RAB27B: variants seen among roughly 807,000 people sequenced by gnomAD.
RAB27B encodes ras-related protein Rab-27B.
RAB27B carries 15 observed loss-of-function variants against 24.6 expected under a neutral mutation model. That is an observed-to-expected ratio of 0.61 (90% CI 0.41 to 0.94). The LOEUF is 0.94. Among genes scored for constraint, RAB27B ranks in the 40% least tolerant of loss-of-function variants. The probability of loss-of-function intolerance (pLI) is 0.00; values close to 1 mark genes in which losing one functional copy is unlikely to be tolerated. For synonymous variants in RAB27B, 105 were observed against 92.5 expected (o/e 1.14, Z -0.78); for missense variants, 261 against 266.8 (o/e 0.98, Z 0.15).
At chr18:54,728,102 A>G (rs975276515) in intron 2 of RAB27B, among the ~76,000 whole-genome samples, 9 of 152,166 alleles carry the variant, frequency 5.9e-5, no homozygotes, top group Admixed American at 2.6e-4. Flanking sequence ...TTTAATTTAT[A>G]TTTTGTATAT....
intron 1 of RAB27B, among the ~76,000 whole-genome samples, chr18:54,845,436 T>G (rs1420072056): frequency 1.3e-5 from 2 of 148,582 alleles, no homozygotes; most frequent in Admixed American, 1.4e-4. Flanking sequence ...AAAATCTATT[T>G]AGGAAGAAAA....
At chr18:54,755,362 C>T (rs1358650733) in intron 2 of RAB27B, among the ~76,000 whole-genome samples, 2 of 152,058 alleles carry the variant, frequency 1.3e-5, no homozygotes, top group Admixed American at 1.3e-4. Context: ...TGCACTCCAA[C>T]CTGGGCAACA....
intron 2 of RAB27B, among the ~76,000 whole-genome samples, chr18:54,794,675 T>A (rs999208430): frequency 6.6e-6 from 1 of 152,200 alleles, no homozygotes; most frequent in African/African-American, 2.4e-5. Flanking sequence ...ATTCCCAGCT[T>A]TTTTTGAAGA....
chr18:54,867,444 T>TTTCA (rs202092039), intron 1 of RAB27B, among the ~76,000 whole-genome samples: 1 of 96,946 alleles, frequency 1.0e-5, no homozygotes, highest in Non-Finnish European at 2.2e-5. Flanking sequence ...TTTCTTTTCT[T>TTTCA]TTTTTTTTTT....
intron 1 of RAB27B, among the ~76,000 whole-genome samples, chr18:54,839,057 C>T (rs1282717811): frequency 6.6e-6 from 1 of 152,032 alleles, no homozygotes; most frequent in East Asian, 1.9e-4. Flanking sequence ...AAAAGAAGTC[C>T]TCCTACAACT....
At position 54,893,671 on chromosome 18, in the gene RAB27B, C is replaced by T. The variant is rs544265933; in HGVS notation, c.*4258C>T. Reference sequence around the variant, plus strand: ...TATAAATCCATGAAGCTGCTTGTCTCATAAAGTAGAACTGATACAAATTTT... The same window carrying T: ...TATAAATCCATGAAGCTGCTTGTCTTATAAAGTAGAACTGATACAAATTTT... On this transcript the variant is annotated 3_prime_UTR_variant, in exon 6 of 6. Transcript: ENST00000262094. 1 of 152,044 alleles carries T rather than the reference C, an allele frequency of 6.6e-6. No homozygotes were observed. The highest frequency in any genetic ancestry group is 2.1e-4 in the South Asian group (1 of 4,806). 9.4% of individuals were successfully genotyped at this position (152,044 alleles called of 1,614,324 possible).
chr18:54,825,016 C>T (rs1910427711), upstream of RAB27B, among the ~76,000 whole-genome samples: 1 of 152,106 alleles, frequency 6.6e-6, no homozygotes, highest in African/African-American at 2.4e-5. Flanking sequence ...AAATGGCACA[C>T]AGGATGTATA....
rs558486528 is a variant in RAB27B, at chr18:54,815,072, A to G, written c.-19-62495A>G. Among the ~76,000 whole-genome samples, 5 of 152,322 alleles carry G rather than the reference A, an allele frequency of 3.3e-5. No homozygotes were observed. The South Asian group carries it at 1.0e-3, about 32-fold the overall frequency. ...ATTTAATAACACAGATATACTGTGTATCTGTTTATGTGCCATAGATATATC... is the reference window on the plus strand; with the variant it reads ...ATTTAATAACACAGATATACTGTGTGTCTGTTTATGTGCCATAGATATATC... On this transcript the variant is annotated intron_variant, in intron 2 of 4. Transcript: ENST00000586570.
intron 3 of RAB27B, chr18:54,879,817 A>T: frequency 5.3e-6 from 1 of 188,074 alleles, no homozygotes; most frequent in Non-Finnish European, 1.1e-5. Flanking sequence ...GGGTGTTAAG[A>T]TCTTCCTTGT....
chr18:54,810,948 G>A (rs1233383328), intron 2 of RAB27B, among the ~76,000 whole-genome samples: 1 of 151,958 alleles, frequency 6.6e-6, no homozygotes, highest in African/African-American at 2.4e-5. Flanking sequence ...CATGGCTTTT[G>A]TATGAATTCT....
intron 2 of RAB27B, among the ~76,000 whole-genome samples, chr18:54,781,914 C>A (rs1042115183): frequency 2.0e-5 from 3 of 152,176 alleles, no homozygotes; most frequent in African/African-American, 7.2e-5. Flanking sequence ...CAATTATACT[C>A]ATAAAAATAG....
At chr18:54,839,181 G>A (rs571184589) in intron 1 of RAB27B, among the ~76,000 whole-genome samples, 166 of 152,094 alleles carry the variant, frequency 1.1e-3, no homozygotes, top group African/African-American at 3.9e-3. Context: ...AAGCAACCCC[G>A]TTTTCAGCTT....
intron 1 of RAB27B, among the ~76,000 whole-genome samples, chr18:54,849,008 A>G (rs936374292): frequency 6.6e-6 from 1 of 152,248 alleles, no homozygotes; most frequent in Non-Finnish European, 1.5e-5. Context: ...AAATGGAGCC[A>G]TCACCAGGCC....
At chr18:54,815,205 C>T (rs150752485) in intron 2 of RAB27B, among the ~76,000 whole-genome samples, 5 of 152,258 alleles carry the variant, frequency 3.3e-5, no homozygotes, top group East Asian at 3.9e-4. Context: ...ATAACTACTT[C>T]GATTGTTTTC....
chr18:54,850,357 T>TATATATATATACATAC (rs1264669719), intron 1 of RAB27B, among the ~76,000 whole-genome samples: 5 of 130,566 alleles, frequency 3.8e-5, no homozygotes, highest in African/African-American at 1.6e-4. Flanking sequence ...TATATATATA[T>TATATATATATACATAC]ATACATACAT....
intron 1 of RAB27B, among the ~76,000 whole-genome samples, chr18:54,836,900 T>C (rs933364686): frequency 6.6e-6 from 1 of 152,142 alleles, no homozygotes; most frequent in African/African-American, 2.4e-5. Flanking sequence ...TTAAGTTGGT[T>C]AAAGCTGATG....
intron 4 of RAB27B, among the ~76,000 whole-genome samples, chr18:54,886,463 A>G (rs1913141177): frequency 6.6e-6 from 1 of 152,156 alleles, no homozygotes; most frequent in Admixed American, 6.6e-5. Flanking sequence ...TCATGATTAT[A>G]TATAATAATT....
At chr18:54,783,936 G>T (rs1280974434) in intron 2 of RAB27B, among the ~76,000 whole-genome samples, 1 of 152,188 alleles carries the variant, frequency 6.6e-6, no homozygotes, top group Non-Finnish European at 1.5e-5. Context: ...CTGAACACTT[G>T]TTTGTGACCA....
At chr18:54,779,559 A>G (rs769028621) in intron 2 of RAB27B, among the ~76,000 whole-genome samples, 1 of 151,896 alleles carries the variant, frequency 6.6e-6, no homozygotes, top group Non-Finnish European at 1.5e-5. Context: ...CAGCACAGCC[A>G]GGGAGGAATC....
Sources: gnomAD v4.1 joint callset for allele counts (sites outside exome capture counted in the v4.1 genomes callset) on GRCh38, gnomAD v4.1.1 for gene constraint, MANE v1.5 for transcripts, NCBI Gene and HGNC (gene_info 2026-07-23, HGNC 2026-07-21) for gene names.